Variants in RBFOX1 observed in about 807,000 individuals in gnomAD.
The protein encoded by RBFOX1 is RNA binding fox-1 homolog 1, also known as RNA binding protein fox-1 homolog 1.
RBFOX1 carries 8 observed loss-of-function variants against 57.7 expected under a neutral mutation model. The observed-to-expected ratio is 0.14, with a 90% CI of 0.08 to 0.25. The LOEUF is 0.25. RBFOX1 is among the 10% of genes least tolerant of loss of function. RBFOX1 has a pLI of 1.00. For missense variants in RBFOX1, 611 were observed against 548.5 expected (o/e 1.11, Z -1.14); for synonymous variants, 326 against 222.4 (o/e 1.47, Z -4.15).
intron 2 of RBFOX1, among the ~76,000 whole-genome samples, chr16:5,566,832 C>G (rs914221350): frequency 6.6e-6 from 1 of 152,106 alleles, no homozygotes; most frequent in African/African-American, 2.4e-5. Context: ...ACCGCATCGA[C>G]TCACTCCCTT....
At chr16:5,972,746 G>A (rs554896103) in intron 4 of RBFOX1, among the ~76,000 whole-genome samples, 17 of 152,282 alleles carry the variant, frequency 1.1e-4, no homozygotes, top group Non-Finnish European at 1.3e-4. Context: ...GGAGCTGCAC[G>A]TGTTTCTCAC....
At chr16:6,649,944 G>A (rs1273757572) in intron 2 of RBFOX1, among the ~76,000 whole-genome samples, 1 of 152,026 alleles carries the variant, frequency 6.6e-6, no homozygotes, top group South Asian at 2.1e-4. Flanking sequence ...CCATATTTTT[G>A]CCACTGTGAA....
At chr16:7,395,390 C>A (rs562580554) in intron 4 of RBFOX1, among the ~76,000 whole-genome samples, 1 of 152,316 alleles carries the variant, frequency 6.6e-6, no homozygotes, top group Non-Finnish European at 1.5e-5. Context: ...TGGAGATAAG[C>A]CGCTTTGTTC....
Position 5,908,085 on chromosome 16 carries a change from TAC to T in RBFOX1, c.351+40754_351+40755del, listed in dbSNP as rs1253626257. ...ATGTGTGTATGTATATATATATATA[TAC>T]ACATATATACACATATATATATACA... On this transcript the variant is annotated intron_variant, in intron 4 of 19. Coordinates refer to the RBFOX1 transcript ENST00000641259. 3.5e-4 allele frequency among the ~76,000 whole-genome samples: 19 copies of T among 54,732 alleles called. 1 individual carries two copies. The highest frequency in any genetic ancestry group is 1.1e-3 in the African/African-American group (17 of 16,108). 35.9% of individuals were successfully genotyped at this position (54,732 alleles called of 152,430 possible).
intron 3 of RBFOX1, among the ~76,000 whole-genome samples, chr16:6,816,847 C>T (rs1027319062): frequency 6.6e-6 from 1 of 151,974 alleles, no homozygotes; most frequent in Non-Finnish European, 1.5e-5. Context: ...TGGGCTCAAA[C>T]AGTCCTCCCA....
intron 4 of RBFOX1, among the ~76,000 whole-genome samples, chr16:7,171,752 C>T (rs2080748961): frequency 6.6e-6 from 1 of 152,214 alleles, no homozygotes; most frequent in Non-Finnish European, 1.5e-5. Context: ...AACTCATTAT[C>T]AATCTGTCTC....
chr16:6,873,881 A>G (rs184015794), intron 3 of RBFOX1: 5 of 152,346 alleles, frequency 3.3e-5, no homozygotes, highest in Non-Finnish European at 7.3e-5. Context: ...GAAGCATAGT[A>G]TCTGAAATAG....
At chr16:6,415,378 A>G (rs2093595829) in intron 2 of RBFOX1, among the ~76,000 whole-genome samples, 2 of 152,020 alleles carry the variant, frequency 1.3e-5, no homozygotes. Context: ...TCATACAGCT[A>G]GGAAGAAGAT....
At chr16:6,989,402 C>T (rs906147396) in intron 3 of RBFOX1, among the ~76,000 whole-genome samples, 1 of 152,142 alleles carries the variant, frequency 6.6e-6, no homozygotes, top group African/African-American at 2.4e-5. Flanking sequence ...TAATGAATTA[C>T]AATTTGTTAT....
chr16:7,271,090 T>C (rs2153114052), intron 4 of RBFOX1, among the ~76,000 whole-genome samples: 1 of 152,276 alleles, frequency 6.6e-6, no homozygotes, highest in South Asian at 2.1e-4. Flanking sequence ...AGACCTGAAA[T>C]AGAGTGTATC....
At chr16:5,602,546 A>G (rs1596401669), downstream of RBFOX1, among the ~76,000 whole-genome samples, 1 of 152,204 alleles carries the variant, frequency 6.6e-6, no homozygotes, top group South Asian at 2.1e-4. Context: ...AGTGAGAAAT[A>G]CAGCCTGTAT....
chr16:7,687,614 T>C (rs1411471820), intron 14 of RBFOX1, among the ~76,000 whole-genome samples: 1 of 151,850 alleles, frequency 6.6e-6, no homozygotes, highest in East Asian at 1.9e-4. Context: ...CGTCTAGCAA[T>C]TTTAACAACA....
At chr16:5,960,618 A>T (rs142062806) in intron 4 of RBFOX1, among the ~76,000 whole-genome samples, 2 of 152,042 alleles carry the variant, frequency 1.3e-5, no homozygotes, top group African/African-American at 4.8e-5. Flanking sequence ...CAGAGCAGTC[A>T]TATCTCCGAA....
chr16:5,791,059 G>A (rs2054677054), intron 3 of RBFOX1, among the ~76,000 whole-genome samples: 1 of 151,920 alleles, frequency 6.6e-6, no homozygotes, highest in Non-Finnish European at 1.5e-5. Flanking sequence ...AGTAGAGATG[G>A]AGTTTCACCA....
intron 3 of RBFOX1, among the ~76,000 whole-genome samples, chr16:6,879,200 TATG>T (rs1272955136): frequency 3.3e-4 from 50 of 152,176 alleles, no homozygotes; most frequent in Non-Finnish European, 3.5e-4. Flanking sequence ...TGTCCAGTAA[TATG>T]ATATTTTTAT....
intron 3 of RBFOX1, among the ~76,000 whole-genome samples, chr16:5,685,019 G>T (rs947356622): frequency 6.6e-6 from 1 of 152,156 alleles, no homozygotes; most frequent in Non-Finnish European, 1.5e-5. Flanking sequence ...TTAGGATCTG[G>T]TGTAAAGTGC....
At chr16:6,960,460 G>C (rs976189747) in intron 3 of RBFOX1, among the ~76,000 whole-genome samples, 5 of 152,118 alleles carry the variant, frequency 3.3e-5, no homozygotes, top group South Asian at 2.1e-4. Flanking sequence ...TTGTCTCCCA[G>C]TTCTCGTGTA....
chr16:7,394,908 CTG>C (rs1258654762), intron 4 of RBFOX1, among the ~76,000 whole-genome samples: 1 of 152,312 alleles, frequency 6.6e-6, no homozygotes, highest in African/African-American at 2.4e-5. Context: ...GCCTTCATGT[CTG>C]TGCATACATA....
chr16:6,804,943 C>G (rs550575092), intron 3 of RBFOX1, among the ~76,000 whole-genome samples: 4 of 152,102 alleles, frequency 2.6e-5, no homozygotes, highest in African/African-American at 4.8e-5. Context: ...TGCTGTTGGT[C>G]GGAGTGTAAA....
Sources: allele counts gnomAD v4.1 joint callset (sites outside exome capture counted in the v4.1 genomes callset), GRCh38; gene constraint gnomAD v4.1.1; transcripts MANE v1.5; gene names NCBI Gene and HGNC (gene_info 2026-07-23, HGNC 2026-07-21).